VPS13C: variants seen among roughly 807,000 people sequenced by gnomAD.
VPS13C encodes intermembrane lipid transfer protein VPS13C.
A neutral mutation model predicts 456.8 loss-of-function variants in VPS13C; 358 were observed. The observed-to-expected ratio is 0.78, with a 90% CI of 0.72 to 0.86. The LOEUF (loss-of-function observed/expected upper bound fraction) is 0.86, where lower values mean the gene tolerates loss of function less well. Among genes scored for constraint, VPS13C ranks in the 40% least tolerant of loss-of-function variants. VPS13C has a pLI of 0.00. For synonymous variants in VPS13C, 1,578 were observed against 1,486.7 expected, an observed-to-expected ratio of 1.06 and a Z score of -1.41; for missense variants, 4,818 against 4,385.4, an observed-to-expected ratio of 1.10 and a Z score of -2.79.
At position 61,934,373 on chromosome 15, in the gene VPS13C, T is replaced by C. The variant is rs773621120; in HGVS notation, c.5756-42A>G. ...AAAAGCTTTTAAGTAGGTACGTAAT[T>C]TTATAAATATTTTTAAATATGAGAT... On this transcript the variant is annotated intron_variant, in intron 48 of 84. Transcript: ENST00000644861. The C allele has an allele frequency of 4.5e-5, 49 of 1,089,294 alleles. No individual in the cohort carries two copies. The East Asian group carries it at 1.3e-3, about 29-fold the overall frequency. 67.5% of individuals were successfully genotyped at this position (1,089,294 alleles called of 1,614,324 possible).
At chr15:61,868,993 T>C (rs890505253) in intron 80 of VPS13C, among the ~76,000 whole-genome samples, 2 of 152,200 alleles carry the variant, frequency 1.3e-5, no homozygotes, top group Non-Finnish European at 2.9e-5. Context: ...AAGCAGGGCC[T>C]AGCTCATCTA....
At chr15:61,904,013 C>T (rs766256492) in intron 66 of VPS13C, among the ~76,000 whole-genome samples, 29 of 152,102 alleles carry the variant, frequency 1.9e-4, no homozygotes, top group Admixed American at 3.3e-4. Flanking sequence ...AATCTAGGAC[C>T]TGATACCTTA....
intron 16 of VPS13C, among the ~76,000 whole-genome samples, chr15:61,992,670 C>T (rs1374636425): frequency 1.3e-5 from 2 of 152,072 alleles, no homozygotes; most frequent in African/African-American, 4.8e-5. Flanking sequence ...TGAGTATATA[C>T]ATTTTCAAGC....
intron 46 of VPS13C, 76 bp from the exon 47 acceptor site, chr15:61,940,870 T>C: frequency 1.4e-6 from 2 of 1,403,396 alleles, no homozygotes; most frequent in Non-Finnish European, 1.9e-6. Flanking sequence ...TGTGTAACAG[T>C]TTCCACACAG....
At chr15:61,996,994 C>CATATATATATAT (rs956530930) in intron 16 of VPS13C, among the ~76,000 whole-genome samples, 8 of 142,384 alleles carry the variant, frequency 5.6e-5, no homozygotes, top group African/African-American at 2.2e-4. Flanking sequence ...ATTTTACATA[C>CATATATATATAT]ATACATATAT....
chr15:61,898,416 A>C (rs1185650771), intron 66 of VPS13C, among the ~76,000 whole-genome samples: 2 of 149,466 alleles, frequency 1.3e-5, no homozygotes, highest in East Asian at 4.0e-4. Flanking sequence ...AAATCTACCA[A>C]GCAAATGGAA....
At chr15:61,906,737 G>A (rs2043163073) in intron 66 of VPS13C, 1 of 159,572 alleles carries the variant, frequency 6.3e-6, no homozygotes, top group African/African-American at 2.4e-5. Context: ...GATGGTATAT[G>A]AATTCTTTGG....
chr15:61,872,055 A>G (rs761666466), intron 78 of VPS13C, 21 bp from the exon 79 acceptor site: 4 of 1,610,390 alleles, frequency 2.5e-6, no homozygotes, highest in South Asian at 1.1e-5. Flanking sequence ...AATCAATCAT[A>G]TAGTTTAGAC....
chr15:61,889,350 G>A (rs1896503871), intron 67 of VPS13C, among the ~76,000 whole-genome samples: 1 of 151,980 alleles, frequency 6.6e-6, no homozygotes, highest in African/African-American at 2.4e-5. Context: ...TTAATGGTAT[G>A]TATGATACCA....
At chr15:61,916,082 T>A in intron 60 of VPS13C, 60 bp from the exon 61 acceptor site, 2 of 1,492,786 alleles carry the variant, frequency 1.3e-6, no homozygotes, top group Non-Finnish European at 1.8e-6. Flanking sequence ...AACAAAATTC[T>A]TATTTTTCAC....
chr15:61,986,201 A>T lies in VPS13C; in HGVS notation c.1579-1202T>A, dbSNP rs1420166526. Among the ~76,000 whole-genome samples the T allele has an allele frequency of 7.9e-5, 12 of 151,772 alleles. No homozygotes were observed. In the Admixed American group the frequency reaches 7.9e-4, roughly 10 times the overall value. On this transcript the variant is annotated intron_variant, in intron 18 of 84. Coordinates refer to ENST00000644861, the MANE Select transcript of VPS13C (RefSeq NM_020821.3). ...AACAAAAACCAGCAGAAACAACAGA[A>T]AATAGATTCACAGGCGCTCTAGACA...
At chr15:61,921,034 CCTT>C (rs1205177652) in intron 55 of VPS13C, among the ~76,000 whole-genome samples, 1 of 152,020 alleles carries the variant, frequency 6.6e-6, no homozygotes, top group African/African-American at 2.4e-5. Context: ...ATGTTTCTCT[CCTT>C]CTATTTTTTA....
intron 43 of VPS13C, among the ~76,000 whole-genome samples, chr15:61,946,640 T>C (rs2044614889): frequency 8.3e-6 from 1 of 121,172 alleles, no homozygotes. Context: ...TTGTAGAAAT[T>C]TTAAAACCAA....
intron 48 of VPS13C, among the ~76,000 whole-genome samples, chr15:61,935,251 G>A (rs897257119): frequency 6.6e-6 from 1 of 152,084 alleles, no homozygotes; most frequent in Admixed American, 6.5e-5. Context: ...AGACTGAATA[G>A]ATCTTGCTTT....
At chr15:61,891,373 T>C (rs1358263383) in intron 66 of VPS13C, among the ~76,000 whole-genome samples, 2 of 152,184 alleles carry the variant, frequency 1.3e-5, no homozygotes, top group Non-Finnish European at 2.9e-5. Context: ...TAGTTGAGTG[T>C]CACTAATGTT....
chr15:62,028,194 G>A (rs1783305897), intron 6 of VPS13C, among the ~76,000 whole-genome samples, 164 bp downstream of exon 6: 6 of 152,060 alleles, frequency 3.9e-5, no homozygotes, highest in African/African-American at 1.2e-4. Context: ...ATGAATAAAC[G>A]ACTACAGGTA....
At chr15:61,877,767 C>T in intron 74 of VPS13C, among the ~76,000 whole-genome samples, 1 of 151,856 alleles carries the variant, frequency 6.6e-6, no homozygotes, top group Non-Finnish European at 1.5e-5. Flanking sequence ...TAGAATCGCT[C>T]ATATTTTAAA....
intron 67 of VPS13C, among the ~76,000 whole-genome samples, chr15:61,886,377 C>T (rs1344741854): frequency 6.6e-6 from 1 of 152,080 alleles, no homozygotes; most frequent in Non-Finnish European, 1.5e-5. Flanking sequence ...AGTTCCATAA[C>T]ATAATAAAAT....
intron 18 of VPS13C, among the ~76,000 whole-genome samples, chr15:61,987,775 A>G (rs1336067712): frequency 6.6e-6 from 1 of 152,214 alleles, no homozygotes; most frequent in East Asian, 1.9e-4. Context: ...TAGCAACTGG[A>G]ACCAGTAGTA....
Sources: gnomAD v4.1 joint callset for allele counts (sites outside exome capture counted in the v4.1 genomes callset) on GRCh38, gnomAD v4.1.1 for gene constraint, MANE v1.5 for transcripts, NCBI Gene and HGNC (gene_info 2026-07-23, HGNC 2026-07-21) for gene names.